SNX31: variants seen among roughly 807,000 people sequenced by gnomAD.
SNX31 encodes sorting nexin 31.
A neutral mutation model predicts 65.4 loss-of-function variants in SNX31; 58 were observed. The observed-to-expected ratio is 0.89, with a 90% confidence interval of 0.72 to 1.10. SNX31 has a LOEUF of 1.10. Ranked by LOEUF, SNX31 falls within the 50% of genes least tolerant of loss-of-function variation. The pLI is 0.00. For missense variants in SNX31, 523 were observed against 529.7 expected (o/e 0.99, Z 0.12); for synonymous variants, 181 against 190.1 (o/e 0.95, Z 0.39).
intron 3 of SNX31, among the ~76,000 whole-genome samples, chr8:100,631,171 T>G (rs1450271894): frequency 6.6e-6 from 1 of 151,890 alleles, no homozygotes; most frequent in Non-Finnish European, 1.5e-5. Flanking sequence ...ATTTAAAATA[T>G]TTCATTCTTC....
chr8:100,617,510 T>C (rs945502879), intron 5 of SNX31, 110 bp downstream of exon 5: 2 of 721,650 alleles, frequency 2.8e-6, no homozygotes, highest in African/African-American at 3.6e-5. Flanking sequence ...ATCCACAGAG[T>C]AAAACAACAG....
chr8:100,607,400 A>C (rs1316554483), intron 8 of SNX31, among the ~76,000 whole-genome samples: 1 of 152,226 alleles, frequency 6.6e-6, no homozygotes, highest in East Asian at 1.9e-4. Context: ...CCGAAGCTTC[A>C]TCACACGAGG....
chr8:100,588,953 G>C lies in SNX31; in HGVS notation c.1005C>G (p.Pro335=). 1 of 1,613,758 alleles carries C rather than the reference G, an allele frequency of 6.2e-7. No homozygotes were observed. Among genetic ancestry groups the C allele is most frequent in the Non-Finnish European group, 8.5e-7 (1 of 1,179,836 alleles). Residue 335 remains proline, a synonymous_variant, in exon 11 of 14, where the codon CCC becomes CCG. Transcript: ENST00000311812. This position sits in a 1 kb window ranked among gnomAD's most constrained non-coding sequence, Gnocchi z 4.8. ...FLGTLLDTDG[P]QRTLNQNLEL... ...CTAAGTTCTGGTTGAGAGTTCTCTG[G>C]GGCCCATCCGTATCCAGCAGAGTTC... is the stretch of plus-strand genomic sequence containing the variant.
Position 100,576,176 on chromosome 8 carries a change from T to G in SNX31, c.1227+843A>C, listed in dbSNP as rs978295126. ...TGCATTTCTGCTAGTTTATTTTCCC[T>G]GACTGTATTCATTCAAGAAAGGACT... is the stretch of plus-strand genomic sequence containing the variant. On this transcript the variant is annotated intron_variant, in intron 13 of 13. Transcript: ENST00000311812. The surrounding 1 kb of genome is among the most constrained non-coding windows in gnomAD (Gnocchi z 4.8). Among the ~76,000 whole-genome samples, 1 of 152,216 alleles carries G rather than the reference T, an allele frequency of 6.6e-6. No individual in the cohort carries two copies. Among genetic ancestry groups the G allele is most frequent in the African/African-American group, 2.4e-5 (1 of 41,452 alleles).
At chr8:100,584,464 C>A (rs1280312372) in intron 11 of SNX31, among the ~76,000 whole-genome samples, 1 of 152,038 alleles carries the variant, frequency 6.6e-6, no homozygotes, top group Non-Finnish European at 1.5e-5. Flanking sequence ...TAAAACTCAC[C>A]CCCTTGCATC....
chr8:100,628,866 A>G (rs1434951078), intron 4 of SNX31, among the ~76,000 whole-genome samples: 1 of 150,414 alleles, frequency 6.6e-6, no homozygotes, highest in Non-Finnish European at 1.5e-5. Flanking sequence ...GTACCCCTTA[A>G]TGACATTTTG....
Position 100,614,994 on chromosome 8 carries a change from C to T in SNX31, c.433-1909G>A, listed in dbSNP as rs184065888. Among the ~76,000 whole-genome samples, 693 of 152,216 alleles carry T rather than the reference C, an allele frequency of 4.6e-3. 5 individuals are homozygous for T. Among genetic ancestry groups the T allele is most frequent in the African/African-American group, 0.016 (658 of 41,530 alleles). The stretch of plus-strand genomic sequence containing the variant: ...AGTGTGCTGGAGAAGATGCAGAAGG[C>T]GATTTTTAATTATAAAACTTAAATT... On this transcript the variant is annotated intron_variant, in intron 5 of 13. Transcript: ENST00000311812. This position sits in a 1 kb window ranked among gnomAD's most constrained non-coding sequence, Gnocchi z 5.1.
chr8:100,589,565 G>A (rs950661271), intron 10 of SNX31, among the ~76,000 whole-genome samples: 3 of 152,158 alleles, frequency 2.0e-5, no homozygotes, highest in East Asian at 3.8e-4. Flanking sequence ...CAAGTTTGTC[G>A]TGGTGGTTTT....
chr8:100,621,435 A>C (rs576305585), intron 4 of SNX31, among the ~76,000 whole-genome samples: 1 of 152,336 alleles, frequency 6.6e-6, no homozygotes, highest in African/African-American at 2.4e-5. Flanking sequence ...GCAACAGGTA[A>C]GAAATAACGG....
At chr8:100,583,002 G>GAAAAGAAAAT (rs1451180048) in intron 12 of SNX31, among the ~76,000 whole-genome samples, 4 of 149,754 alleles carry the variant, frequency 2.7e-5, no homozygotes, top group African/African-American at 9.8e-5. Context: ...GAAAAGAAAA[G>GAAAAGAAAAT]AAAAGAAAAG....
Position 100,612,980 on chromosome 8 carries a change from T to C in SNX31, c.523+15A>G, listed in dbSNP as rs1346976377. On this transcript the variant is annotated intron_variant, in intron 6 of 13. Transcript: ENST00000311812. This position sits in a 1 kb window ranked among gnomAD's most constrained non-coding sequence, Gnocchi z 4.3. Reference sequence around the variant, plus strand: ...CCCCATCTCCTAGCTGATTCATTTGTTCCTTCCTTCTTACCAGAGAGCTTG... The same window carrying C: ...CCCCATCTCCTAGCTGATTCATTTGCTCCTTCCTTCTTACCAGAGAGCTTG... The C allele has an allele frequency of 3.7e-6, 6 of 1,611,596 alleles. No homozygotes were observed. Among genetic ancestry groups the C allele is most frequent in the East Asian group, 2.2e-5 (1 of 44,854 alleles).
In SNX31 at chr8:100,630,249, T is replaced by C; in HGVS notation, c.321+78A>G. 3.0e-6 allele frequency: 4 copies of C among 1,345,566 alleles called. No homozygotes were observed. Among genetic ancestry groups the C allele is most frequent in the Non-Finnish European group, 4.2e-6 (4 of 942,294 alleles). The allele number at this position is 1,345,566 out of a possible 1,614,324, so 83.4% of individuals were successfully genotyped here. A position where few individuals can be genotyped will look rare whatever the true frequency, so the allele number is the denominator to read the frequency against. On this transcript the variant is annotated intron_variant, in intron 4 of 13. Coordinates refer to ENST00000311812, the MANE Select transcript of SNX31 (RefSeq NM_152628.4). This position sits in a 1 kb window ranked among gnomAD's most constrained non-coding sequence, Gnocchi z 5.3. The stretch of plus-strand genomic sequence containing the variant: ...TGGGGCTGTGACCAGTGCACACATG[T>C]GTGTGTACCTGCACACTTGGTTCAT...
rs931975244 is a variant in SNX31 at position 100,604,185 on chromosome 8, T to G, written c.682-3744A>C. Among the ~76,000 whole-genome samples, 19 of 152,058 alleles carry G rather than the reference T, an allele frequency of 1.2e-4. No individual in the cohort carries two copies. The highest frequency in any genetic ancestry group is 4.6e-4 in the African/African-American group (19 of 41,402). ...AAGTCTACTCAGTTACACGGTTCCC[T>G]GAACACTGGCTGAGAGGGGAGTATG... On this transcript the variant is annotated intron_variant, in intron 8 of 13. Transcript: ENST00000311812. This position sits in a 1 kb window ranked among gnomAD's most constrained non-coding sequence, Gnocchi z 4.3.
chr8:100,618,465 G>A, intron 4 of SNX31: 2 of 698,654 alleles, frequency 2.9e-6, no homozygotes, highest in Non-Finnish European at 2.5e-6. Context: ...CACAATGGCT[G>A]TCCAACAATT....
chr8:100,589,535 G>C (rs193156933), intron 10 of SNX31, among the ~76,000 whole-genome samples: 68 of 152,320 alleles, frequency 4.5e-4, no homozygotes, highest in African/African-American at 1.6e-3. Flanking sequence ...AGGGCCATCT[G>C]AGCAGAGGTA....
chr8:100,593,027 T>TG (rs1299128945), intron 10 of SNX31, among the ~76,000 whole-genome samples: 3 of 152,286 alleles, frequency 2.0e-5, no homozygotes, highest in Non-Finnish European at 2.9e-5. Flanking sequence ...TTTTTAGGGC[T>TG]GGGGGGATAG....
intron 2 of SNX31, among the ~76,000 whole-genome samples, chr8:100,644,169 A>C (rs1389549909): frequency 2.0e-5 from 3 of 152,276 alleles, no homozygotes; most frequent in Admixed American, 6.5e-5. Context: ...AGCACTTGGC[A>C]GGGAGGACAA....
chr8:100,624,230 A>G (rs933682833), intron 4 of SNX31, among the ~76,000 whole-genome samples: 1 of 152,186 alleles, frequency 6.6e-6, no homozygotes, highest in Non-Finnish European at 1.5e-5. Context: ...AGGAAGGATC[A>G]CTTGAGCCCA....
Position 100,596,726 on chromosome 8 carries a change from G to A in SNX31, c.891C>T (p.Ile297=), listed in dbSNP as rs182890037. 6.6e-5 allele frequency: 107 copies of A among 1,614,134 alleles called. No individual in the cohort carries two copies. The highest frequency in any genetic ancestry group is 9.0e-5 in the Non-Finnish European group (106 of 1,180,014). ...GAVLSVGNNE[I]SCCITLPDSQ... is the part of the protein sequence containing the mutation. ...TGTCAGGCAGGGTGATGCAGCAGCTGATCTCATTATTGCCAACAGAAAGAA... is the reference window on the plus strand; with the variant it reads ...TGTCAGGCAGGGTGATGCAGCAGCTAATCTCATTATTGCCAACAGAAAGAA... The change falls in exon 10 of 14, where the codon ATC becomes ATT. Residue 297 remains isoleucine, a synonymous_variant. Coordinates refer to ENST00000311812, the MANE Select transcript of SNX31 (RefSeq NM_152628.4).
Sources: gnomAD v4.1 joint callset for allele counts (sites outside exome capture counted in the v4.1 genomes callset) on GRCh38, gnomAD v4.1.1 for gene constraint, Gnocchi (gnomAD v3.1) non-coding constraint, MANE v1.5 for transcripts, NCBI Gene and HGNC (gene_info 2026-07-23, HGNC 2026-07-21) for gene names.